The following MGAT5 variants were observed in gnomAD, a reference collection of about 807,000 sequenced individuals.
MGAT5 encodes alpha-1,6-mannosylglycoprotein 6-beta-N-acetylglucosaminyltransferase.
Under a neutral mutation model 94.3 loss-of-function variants are expected in MGAT5, and 30 were observed. That is an observed-to-expected ratio of 0.32 (90% CI 0.24 to 0.43). MGAT5 has a LOEUF of 0.43. Among genes scored for constraint, MGAT5 ranks in the 20% least tolerant of loss-of-function variants. The pLI is 1.00. For missense variants in MGAT5, 691 were observed against 905.5 expected (o/e 0.76, Z 3.04); for synonymous variants, 310 against 322.9 (o/e 0.96, Z 0.43).
intron 10 of MGAT5, among the ~76,000 whole-genome samples, chr2:134,380,769 A>G (rs1681488166): frequency 6.6e-6 from 1 of 152,162 alleles, no homozygotes; most frequent in African/African-American, 2.4e-5. Context: ...GTTATATTCA[A>G]TTTGTAACTT....
chr2:134,280,657 C>T (rs1227477076), intron 2 of MGAT5, among the ~76,000 whole-genome samples: 2 of 152,186 alleles, frequency 1.3e-5, no homozygotes, highest in African/African-American at 4.8e-5. Context: ...ATGTTTTCCC[C>T]CTTCGGGGGA....
chr2:134,256,264 G>C (rs1177992493), intron 1 of MGAT5, among the ~76,000 whole-genome samples: 1 of 152,200 alleles, frequency 6.6e-6, no homozygotes, highest in African/African-American at 2.4e-5. Context: ...TTCCAGAGTA[G>C]TTTAGATAAA....
chr2:134,158,998 T>A (rs961538693), intron 1 of MGAT5, among the ~76,000 whole-genome samples: 6 of 152,226 alleles, frequency 3.9e-5, no homozygotes, highest in Admixed American at 3.9e-4. Flanking sequence ...GAATGTAAAC[T>A]ATTTCATACA....
intron 1 of MGAT5, among the ~76,000 whole-genome samples, chr2:134,243,682 A>C (rs1682085909): frequency 6.6e-6 from 1 of 152,140 alleles, no homozygotes. Flanking sequence ...TGGTCACTTC[A>C]GATTGTGCAT....
chr2:134,147,027 C>A (rs1375743176), intron 1 of MGAT5, among the ~76,000 whole-genome samples: 1 of 151,338 alleles, frequency 6.6e-6, no homozygotes, highest in Non-Finnish European at 1.5e-5. Flanking sequence ...TAAAAAAAAA[C>A]CCTTTTAATT....
intron 2 of MGAT5, among the ~76,000 whole-genome samples, chr2:134,305,436 A>C (rs1392599030): frequency 6.6e-6 from 1 of 152,290 alleles, no homozygotes; most frequent in East Asian, 1.9e-4. Context: ...ATTTTGGGCA[A>C]TTTATACTAT....
chr2:134,323,507 T>C (rs1310574297), intron 4 of MGAT5, among the ~76,000 whole-genome samples: 1 of 152,104 alleles, frequency 6.6e-6, no homozygotes, highest in African/African-American at 2.4e-5. Flanking sequence ...TAAAGAGTAA[T>C]GGAGAGCCAA....
intron 2 of MGAT5, among the ~76,000 whole-genome samples, chr2:134,289,979 T>C (rs1044820584): frequency 2.0e-5 from 3 of 152,222 alleles, no homozygotes; most frequent in Non-Finnish European, 4.4e-5. Context: ...TTCATGAGTA[T>C]GTACTGTGAG....
At chr2:134,400,565 A>G (rs1682985036) in intron 10 of MGAT5, among the ~76,000 whole-genome samples, 2 of 152,300 alleles carry the variant, frequency 1.3e-5, no homozygotes, top group South Asian at 4.1e-4. Context: ...GGTAATACAT[A>G]TGTAATCTAG....
intron 1 of MGAT5, among the ~76,000 whole-genome samples, chr2:134,157,947 C>T (rs1258957829): frequency 1.3e-5 from 2 of 152,192 alleles, no homozygotes; most frequent in East Asian, 3.9e-4. Context: ...CAAGTCTGTT[C>T]AGTTCTCAGC....
intron 2 of MGAT5, among the ~76,000 whole-genome samples, chr2:134,282,170 G>A (rs1208158087): frequency 1.3e-5 from 2 of 152,246 alleles, no homozygotes; most frequent in East Asian, 3.8e-4. Context: ...GGAATGCAAT[G>A]AGGATTAAGA....
intron 12 of MGAT5, among the ~76,000 whole-genome samples, chr2:134,421,484 C>G (rs976960448): frequency 6.6e-6 from 1 of 151,948 alleles, no homozygotes. Context: ...ACTCAGGAGG[C>G]TGAAGCAGGA....
chr2:134,447,087 A>C (rs1685828256), intron 15 of MGAT5, among the ~76,000 whole-genome samples: 1 of 152,112 alleles, frequency 6.6e-6, no homozygotes, highest in Non-Finnish European at 1.5e-5. Flanking sequence ...ATGCACGCAC[A>C]CAAATGCAAG....
intron 4 of MGAT5, among the ~76,000 whole-genome samples, chr2:134,332,836 G>A (rs1015882219): frequency 1.3e-5 from 2 of 152,154 alleles, no homozygotes; most frequent in African/African-American, 4.8e-5. Flanking sequence ...ATGAAAAAAT[G>A]CTCACCATCA....
chr2:134,219,356 C>G (rs1383514274), intron 1 of MGAT5, among the ~76,000 whole-genome samples: 1 of 151,732 alleles, frequency 6.6e-6, no homozygotes, highest in East Asian at 2.0e-4. Flanking sequence ...CCCACCTGGG[C>G]CAGGTGGGAA....
chr2:134,200,659 G>A (rs111879235), intron 1 of MGAT5, among the ~76,000 whole-genome samples: 6 of 152,088 alleles, frequency 3.9e-5, no homozygotes, highest in Non-Finnish European at 7.4e-5. Flanking sequence ...TTTTAATCAC[G>A]AAGTATGGAG....
intron 10 of MGAT5, among the ~76,000 whole-genome samples, chr2:134,379,957 G>C (rs1681433329): frequency 6.6e-6 from 1 of 152,218 alleles, no homozygotes; most frequent in African/African-American, 2.4e-5. Context: ...ATTTTAACTT[G>C]TGTCAACCCA....
At chr2:134,438,734 C>A (rs541947493) in intron 14 of MGAT5, among the ~76,000 whole-genome samples, 22 of 152,140 alleles carry the variant, frequency 1.4e-4, no homozygotes, top group Non-Finnish European at 2.6e-4. Flanking sequence ...ATTTGAGGGT[C>A]TTCTGTCTAG....
intron 15 of MGAT5, 97 bp downstream of exon 15, chr2:134,442,012 T>A: frequency 7.2e-7 from 1 of 1,382,648 alleles, no homozygotes; most frequent in Admixed American, 1.8e-5. Flanking sequence ...TCTTCCAAGC[T>A]ACTGGGCTGT....
Sources: allele counts gnomAD v4.1 joint callset (sites outside exome capture counted in the v4.1 genomes callset), GRCh38; gene constraint gnomAD v4.1.1; transcripts MANE v1.5; gene names NCBI Gene and HGNC (gene_info 2026-07-23, HGNC 2026-07-21).